IGSF11: variants seen among roughly 807,000 people sequenced by gnomAD.
The protein encoded by IGSF11 is immunoglobulin superfamily member 11.
In IGSF11, 22 loss-of-function variants were observed where a neutral mutation model predicts 41.0. That is an observed-to-expected ratio of 0.54 (90% CI 0.38 to 0.77). The LOEUF (loss-of-function observed/expected upper bound fraction) is 0.77, where lower values mean the gene tolerates loss of function less well. Ranked by LOEUF, IGSF11 falls within the 30% of genes least tolerant of loss-of-function variation. IGSF11 has a pLI of 0.00. For synonymous variants in IGSF11, 219 were observed against 201.3 expected (o/e 1.09, Z -0.74); for missense variants, 444 against 530.8 (o/e 0.84, Z 1.61).
At chr3:119,089,604 A>C (rs867667917) in intron 1 of IGSF11, among the ~76,000 whole-genome samples, 2 of 152,206 alleles carry the variant, frequency 1.3e-5, no homozygotes, top group African/African-American at 2.4e-5. Context: ...GAAAGAAATA[A>C]AAGGCATCAA....
chr3:118,925,873 G>C (rs567150496), intron 4 of IGSF11: 10 of 285,070 alleles, frequency 3.5e-5, no homozygotes, highest in African/African-American at 2.0e-4. Flanking sequence ...AATGGGAACA[G>C]TTTCCATATA....
intron 1 of IGSF11, among the ~76,000 whole-genome samples, chr3:118,955,219 T>TACAC (rs34044399): frequency 0.023 from 3,309 of 144,456 alleles, 100 homozygotes; most frequent in African/African-American, 0.075. Context: ...TATATGTACA[T>TACAC]ACACACACAC....
At chr3:119,039,013 A>G (rs980103496), upstream of IGSF11, among the ~76,000 whole-genome samples, 2 of 152,220 alleles carry the variant, frequency 1.3e-5, no homozygotes, top group African/African-American at 4.8e-5. Context: ...GAAGGAATCC[A>G]TCTACAGTCC....
At chr3:119,120,950 C>T (rs904130693) in intron 1 of IGSF11, among the ~76,000 whole-genome samples, 3 of 152,162 alleles carry the variant, frequency 2.0e-5, no homozygotes, top group Non-Finnish European at 4.4e-5. Context: ...CCCTTTCTAA[C>T]TGCCTAAAAC....
intron 1 of IGSF11, among the ~76,000 whole-genome samples, chr3:118,979,877 A>G (rs1934526800): frequency 6.6e-6 from 1 of 152,224 alleles, no homozygotes; most frequent in Non-Finnish European, 1.5e-5. Context: ...TTTTCAAAAG[A>G]CGACATACAA....
At chr3:119,130,863 T>C (rs930200353) in intron 1 of IGSF11, among the ~76,000 whole-genome samples, 1 of 151,768 alleles carries the variant, frequency 6.6e-6, no homozygotes, top group African/African-American at 2.4e-5. Flanking sequence ...TATTTGCTGT[T>C]CTGCAATATT....
upstream of IGSF11, among the ~76,000 whole-genome samples, chr3:119,108,196 G>C (rs1358437525): frequency 3.6e-4 from 54 of 151,566 alleles, no homozygotes; most frequent in Middle Eastern, 3.4e-3. Flanking sequence ...CCATTTTCAC[G>C]ATATTGATTC....
At chr3:118,985,841 TGTC>T (rs1477416595) in intron 1 of IGSF11, among the ~76,000 whole-genome samples, 1 of 152,122 alleles carries the variant, frequency 6.6e-6, no homozygotes, top group Non-Finnish European at 1.5e-5. Context: ...CCTTCTCCCT[TGTC>T]TTCCTGAGCA....
chr3:119,119,507 G>T (rs764268573), intron 1 of IGSF11, among the ~76,000 whole-genome samples: 4 of 152,156 alleles, frequency 2.6e-5, no homozygotes, highest in Non-Finnish European at 5.9e-5. Context: ...TGAGATTTGG[G>T]TGGGGACACA....
intron 1 of IGSF11, among the ~76,000 whole-genome samples, chr3:119,121,879 C>T (rs115182261): frequency 0.026 from 4,024 of 152,172 alleles, 179 homozygotes; most frequent in African/African-American, 0.093. Context: ...TATAAGAAAC[C>T]ATGGGGGCCA....
rs1410701767 is a variant in IGSF11 at position 119,074,338 on chromosome 3, AAAG to A, written c.49+30803_49+30805del. 8.6e-4 allele frequency among the ~76,000 whole-genome samples: 131 copies of A among 152,296 alleles called. 3 individuals are homozygous for A. In the South Asian group the frequency reaches 0.026, roughly 31 times the overall value. ...ATTCATGGACCACAGTGCAATAAAA[AAAG>A]AAATTAATACCAAAAGGTCTCTCAA... On this transcript the variant is annotated intron_variant, in intron 1 of 6. Coordinates refer to the IGSF11 transcript ENST00000354673.
At chr3:119,078,128 C>G (rs73185845) in intron 1 of IGSF11, among the ~76,000 whole-genome samples, 35,612 of 152,096 alleles carry the variant, frequency 0.23, 5,095 homozygotes, top group Middle Eastern at 0.37. Context: ...CTATTCCTAT[C>G]AAACTAAGGC....
chr3:119,117,282 C>G (rs1189846766), intron 1 of IGSF11, among the ~76,000 whole-genome samples: 1 of 151,930 alleles, frequency 6.6e-6, no homozygotes, highest in Non-Finnish European at 1.5e-5. Context: ...AAGACATACC[C>G]CAAAACTAGG....
At chr3:118,925,011 A>T (rs1225000796) in intron 4 of IGSF11, among the ~76,000 whole-genome samples, 1 of 152,218 alleles carries the variant, frequency 6.6e-6, no homozygotes, top group Non-Finnish European at 1.5e-5. Flanking sequence ...TTAGCCAACA[A>T]TGTGGCTGAA....
intron 2 of IGSF11, 134 bp downstream of exon 2, chr3:118,929,978 G>T: frequency 1.4e-6 from 1 of 733,512 alleles, no homozygotes; most frequent in East Asian, 2.8e-5. Context: ...AGAGGAGTAG[G>T]CCTTAAAAGA....
intron 1 of IGSF11, among the ~76,000 whole-genome samples, chr3:119,115,210 A>G (rs544945313): frequency 6.6e-6 from 1 of 152,222 alleles, no homozygotes; most frequent in African/African-American, 2.4e-5. Flanking sequence ...AATAAACATG[A>G]AAGTGCAGCT....
chr3:118,960,615 A>AG (rs1317034781), intron 1 of IGSF11, among the ~76,000 whole-genome samples: 4 of 152,182 alleles, frequency 2.6e-5, no homozygotes, highest in African/African-American at 9.6e-5. Flanking sequence ...AGACAATTTA[A>AG]GGGGAAAAAA....
chr3:118,928,839 G>T, intron 2 of IGSF11, 123 bp from the exon 3 acceptor site: 1 of 695,136 alleles, frequency 1.4e-6, no homozygotes, highest in South Asian at 2.0e-5. Flanking sequence ...TTTCTAATAT[G>T]ATAATTATCA....
upstream of IGSF11, among the ~76,000 whole-genome samples, chr3:119,106,696 C>T (rs138160603): frequency 0.016 from 2,500 of 152,214 alleles, 70 homozygotes; most frequent in African/African-American, 0.057. Context: ...ATTAACTCGT[C>T]GTTTAGCATC....
Sources: allele counts gnomAD v4.1 joint callset (sites outside exome capture counted in the v4.1 genomes callset), GRCh38; gene constraint gnomAD v4.1.1; transcripts MANE v1.5; gene names NCBI Gene and HGNC (gene_info 2026-07-23, HGNC 2026-07-21).